SLC9A2: variants seen among roughly 807,000 people sequenced by gnomAD.
SLC9A2 encodes sodium/hydrogen exchanger 2.
In SLC9A2, 42 loss-of-function variants were observed where a neutral mutation model predicts 71.7. The observed-to-expected ratio is 0.59, with a 90% CI of 0.46 to 0.76. SLC9A2 has a LOEUF of 0.76. Ranked by LOEUF, SLC9A2 falls within the 30% of genes least tolerant of loss-of-function variation. SLC9A2 has a pLI of 0.00. For missense variants in SLC9A2, 829 were observed against 1,017.4 expected (o/e 0.81, Z 2.52); for synonymous variants, 396 against 392.5 (o/e 1.01, Z -0.10).
intron 1 of SLC9A2, among the ~76,000 whole-genome samples, chr2:102,633,488 T>C (rs1038903948): frequency 1.3e-5 from 2 of 152,192 alleles, no homozygotes; most frequent in Non-Finnish European, 2.9e-5. Context: ...AGATTGCCAT[T>C]GTAAAATCAC....
intron 5 of SLC9A2, among the ~76,000 whole-genome samples, chr2:102,692,065 T>C (rs1677674522): frequency 6.6e-6 from 1 of 152,252 alleles, no homozygotes; most frequent in African/African-American, 2.4e-5. Context: ...TGGAACTTAG[T>C]GAATTCTCCC....
chr2:102,635,470 C>A (rs1287025955), intron 1 of SLC9A2, among the ~76,000 whole-genome samples: 1 of 152,140 alleles, frequency 6.6e-6, no homozygotes, highest in Non-Finnish European at 1.5e-5. Context: ...CAGCCCTGGC[C>A]CTAGTTTCTC....
Position 102,691,836 on chromosome 2 carries a change from A to G in SLC9A2, c.1426-2578A>G, listed in dbSNP as rs2104546537. 1.3e-5 allele frequency among the ~76,000 whole-genome samples: 2 copies of G among 152,258 alleles called. 1 individual carries two copies. The highest frequency in any genetic ancestry group is 3.9e-4 in the East Asian group (2 of 5,190). ...CTAGATCATCTGTAGGGTGGAAGGA[A>G]TCAACATATGGACTGGGGTAAGCCC... On this transcript the variant is annotated intron_variant, in intron 5 of 11. Coordinates refer to ENST00000233969, the MANE Select transcript of SLC9A2 (RefSeq NM_003048.6).
At chr2:102,654,800 C>T (rs1676907128) in intron 1 of SLC9A2, among the ~76,000 whole-genome samples, 1 of 152,184 alleles carries the variant, frequency 6.6e-6, no homozygotes, top group African/African-American at 2.4e-5. Context: ...GTGTTGTCTA[C>T]CAGCCTATCG....
At chr2:102,638,713 G>C (rs1676517023) in intron 1 of SLC9A2, among the ~76,000 whole-genome samples, 1 of 152,232 alleles carries the variant, frequency 6.6e-6, no homozygotes, top group Admixed American at 6.5e-5. Context: ...GTGTCTGTGA[G>C]TCTGGGCGCA....
At chr2:102,686,298 C>G (rs1245249081) in intron 5 of SLC9A2, 1 of 152,182 alleles carries the variant, frequency 6.6e-6, no homozygotes, top group African/African-American at 2.4e-5. Flanking sequence ...AAATGTAAAG[C>G]AGAGTCAAAA....
At chr2:102,656,281 AG>A (rs1676940564) in intron 1 of SLC9A2, among the ~76,000 whole-genome samples, 1 of 152,204 alleles carries the variant, frequency 6.6e-6, no homozygotes, top group Non-Finnish European at 1.5e-5. Flanking sequence ...TCTGTTTTAA[AG>A]CCACATGGGC....
chr2:102,623,534 C>G (rs886611124), intron 1 of SLC9A2, among the ~76,000 whole-genome samples: 1 of 152,094 alleles, frequency 6.6e-6, no homozygotes, highest in African/African-American at 2.4e-5. Context: ...CTGTGGGACA[C>G]TTTCGTACCC....
At chr2:102,669,709 A>T (rs1677209648) in intron 3 of SLC9A2, among the ~76,000 whole-genome samples, 1 of 152,250 alleles carries the variant, frequency 6.6e-6, no homozygotes, top group Non-Finnish European at 1.5e-5. Flanking sequence ...ATTCCTATGG[A>T]CAACGGTGTG....
At chr2:102,627,165 A>T (rs1676266663) in intron 1 of SLC9A2, among the ~76,000 whole-genome samples, 1 of 151,670 alleles carries the variant, frequency 6.6e-6, no homozygotes, top group Non-Finnish European at 1.5e-5. Flanking sequence ...AACAACAACA[A>T]AAAGCCAGGT....
chr2:102,698,719 T>C (rs1375517025), intron 7 of SLC9A2, among the ~76,000 whole-genome samples: 1 of 152,196 alleles, frequency 6.6e-6, no homozygotes, highest in African/African-American at 2.4e-5. Flanking sequence ...CTAATAGTGA[T>C]TGTTGAAGCA....
At chr2:102,621,925 AG>A (rs1676147853) in intron 1 of SLC9A2, among the ~76,000 whole-genome samples, 1 of 152,330 alleles carries the variant, frequency 6.6e-6, no homozygotes, top group South Asian at 2.1e-4. Flanking sequence ...AGTGCAAAGC[AG>A]GTAGAAGGGA....
At chr2:102,629,557 C>T (rs1332658000) in intron 1 of SLC9A2, among the ~76,000 whole-genome samples, 1 of 152,052 alleles carries the variant, frequency 6.6e-6, no homozygotes, top group Middle Eastern at 3.2e-3. Context: ...AATGTAATTA[C>T]ACTTATTGTG....
intron 5 of SLC9A2, among the ~76,000 whole-genome samples, chr2:102,688,405 A>G (rs1677592291): frequency 6.6e-6 from 1 of 152,120 alleles, no homozygotes; most frequent in Non-Finnish European, 1.5e-5. Flanking sequence ...TTGCCTCACG[A>G]GTTGCCATGT....
chr2:102,635,678 C>T (rs1288751525), intron 1 of SLC9A2, among the ~76,000 whole-genome samples: 3 of 152,186 alleles, frequency 2.0e-5, no homozygotes, highest in East Asian at 3.8e-4. Flanking sequence ...TATTTTCAAT[C>T]ATTTCACAAT....
chr2:102,688,191 A>G (rs1377863816), intron 5 of SLC9A2, among the ~76,000 whole-genome samples: 1 of 152,208 alleles, frequency 6.6e-6, no homozygotes, highest in Non-Finnish European at 1.5e-5. Flanking sequence ...TTTCTCATAC[A>G]TGTAAATTAT....
chr2:102,659,946 G>A (rs1368342258), intron 2 of SLC9A2, among the ~76,000 whole-genome samples: 1 of 152,110 alleles, frequency 6.6e-6, no homozygotes, highest in African/African-American at 2.4e-5. Context: ...GTCCTTCTAG[G>A]GCAGCTCAGT....
chr2:102,683,740 C>T (rs1677498268), intron 4 of SLC9A2, among the ~76,000 whole-genome samples: 1 of 111,822 alleles, frequency 8.9e-6, no homozygotes, highest in African/African-American at 3.1e-5. Flanking sequence ...CCTCCATCCT[C>T]CTGTTTCTCT....
intron 3 of SLC9A2, among the ~76,000 whole-genome samples, chr2:102,681,608 T>C (rs1415069655): frequency 6.6e-6 from 1 of 152,252 alleles, no homozygotes; most frequent in Admixed American, 6.5e-5. Flanking sequence ...AGTCCTCAAC[T>C]ATTCAAAGGC....
Sources: allele counts gnomAD v4.1 joint callset (sites outside exome capture counted in the v4.1 genomes callset), GRCh38; gene constraint gnomAD v4.1.1; transcripts MANE v1.5; gene names NCBI Gene and HGNC (gene_info 2026-07-23, HGNC 2026-07-21).